The following ITGA8 variants were observed in gnomAD, a reference collection of about 807,000 sequenced individuals.
ITGA8 encodes integrin subunit alpha 8, also known as integrin alpha-8.
In ITGA8, 91 loss-of-function variants were observed where a neutral mutation model predicts 142.3. The observed-to-expected ratio is 0.64, with a 90% confidence interval of 0.54 to 0.76. ITGA8 has a LOEUF of 0.76. Among genes scored for constraint, ITGA8 ranks in the 30% least tolerant of loss-of-function variants. The pLI is 0.00. For missense variants in ITGA8, 1,406 were observed against 1,327.7 expected, an observed-to-expected ratio of 1.06 and a Z score of -0.92; for synonymous variants, 505 against 485.2, an observed-to-expected ratio of 1.04 and a Z score of -0.54.
At chr10:15,583,967 C>A (rs1005761084) in intron 23 of ITGA8, among the ~76,000 whole-genome samples, 2 of 152,114 alleles carry the variant, frequency 1.3e-5, no homozygotes, top group Non-Finnish European at 2.9e-5. Flanking sequence ...AATTTCTATA[C>A]ACTAATGAAA....
chr10:15,684,909 T>C (rs1315513207), intron 3 of ITGA8, among the ~76,000 whole-genome samples: 1 of 152,210 alleles, frequency 6.6e-6, no homozygotes, highest in Non-Finnish European at 1.5e-5. Flanking sequence ...AGTAAACCTC[T>C]GTTTTGTGAC....
At chr10:15,561,927 G>T (rs1833990245) in intron 25 of ITGA8, among the ~76,000 whole-genome samples, 1 of 152,182 alleles carries the variant, frequency 6.6e-6, no homozygotes, top group African/African-American at 2.4e-5. Context: ...TGAAGGGGGA[G>T]CAAGGTACCT....
At chr10:15,519,763 T>TA (rs1244299566) in intron 28 of ITGA8, among the ~76,000 whole-genome samples, 2 of 152,134 alleles carry the variant, frequency 1.3e-5, no homozygotes, top group Admixed American at 1.3e-4. Context: ...GTAGACTCAA[T>TA]AAAAAACTGA....
At chr10:15,564,825 CA>C (rs1357604606) in intron 25 of ITGA8, among the ~76,000 whole-genome samples, 1 of 152,342 alleles carries the variant, frequency 6.6e-6, no homozygotes, top group East Asian at 1.9e-4. Context: ...ACACAAGAAA[CA>C]ACAGACAACT....
intron 26 of ITGA8, among the ~76,000 whole-genome samples, chr10:15,556,219 G>A (rs181840360): frequency 6.6e-6 from 1 of 151,370 alleles, no homozygotes; most frequent in Non-Finnish European, 1.5e-5. Context: ...TAGTAGAGAT[G>A]GGTTTCACCA....
At chr10:15,696,882 A>T (rs1312688488) in intron 2 of ITGA8, among the ~76,000 whole-genome samples, 15 of 151,544 alleles carry the variant, frequency 9.9e-5, no homozygotes. Flanking sequence ...AAAAAAAAAA[A>T]ATTAGCCAGG....
At chr10:15,703,577 G>T (rs552642833) in intron 2 of ITGA8, among the ~76,000 whole-genome samples, 1 of 152,284 alleles carries the variant, frequency 6.6e-6, no homozygotes, top group Admixed American at 6.5e-5. Context: ...TGCCAGATCA[G>T]ATTAAAAACA....
At position 15,673,090 on chromosome 10, in the gene ITGA8, T is replaced by C. The variant is rs190091821; in HGVS notation, c.677-341A>G. Among the ~76,000 whole-genome samples the C allele has an allele frequency of 4.6e-3, 686 of 150,444 alleles. 5 individuals carry two copies. Among genetic ancestry groups the C allele is most frequent in the African/African-American group, 0.017 (665 of 39,780 alleles). On this transcript the variant is annotated intron_variant, in intron 6 of 29. Coordinates refer to ENST00000378076, the MANE Select transcript of ITGA8 (RefSeq NM_003638.3). The stretch of plus-strand genomic sequence containing the variant: ...TTTTGTTTGTTTGTTTGTTTGTTTG[T>C]TTTTGTTTTTTGGGACAGAGTCTCG...
chr10:15,547,578 GCAA>G (rs1036037341), intron 27 of ITGA8, among the ~76,000 whole-genome samples: 2 of 152,016 alleles, frequency 1.3e-5, no homozygotes, highest in Non-Finnish European at 2.9e-5. Context: ...TCTCAGAAAA[GCAA>G]CAACAACAAA....
intron 28 of ITGA8, among the ~76,000 whole-genome samples, chr10:15,520,313 T>C (rs1833034173): frequency 6.6e-6 from 1 of 152,156 alleles, no homozygotes; most frequent in African/African-American, 2.4e-5. Flanking sequence ...CTCAGGAGGC[T>C]GACACACGAA....
At chr10:15,715,313 G>A (rs1419040296) in intron 2 of ITGA8, among the ~76,000 whole-genome samples, 27 of 152,072 alleles carry the variant, frequency 1.8e-4, no homozygotes, top group Admixed American at 1.8e-3. Flanking sequence ...ATTTAAAATG[G>A]AATTGTAAAG....
intron 11 of ITGA8, among the ~76,000 whole-genome samples, chr10:15,650,456 T>C (rs1268218765): frequency 6.6e-6 from 1 of 152,140 alleles, no homozygotes; most frequent in Non-Finnish European, 1.5e-5. Flanking sequence ...TGTGGATTTA[T>C]AAGAAGAGGA....
At chr10:15,710,688 C>T (rs895934877) in intron 2 of ITGA8, among the ~76,000 whole-genome samples, 23 of 152,104 alleles carry the variant, frequency 1.5e-4, no homozygotes, top group Admixed American at 1.1e-3. Context: ...GTGTAACTAG[C>T]GAGGCAAGAG....
At chr10:15,700,203 C>T (rs1835135986) in intron 2 of ITGA8, among the ~76,000 whole-genome samples, 1 of 152,158 alleles carries the variant, frequency 6.6e-6, no homozygotes, top group African/African-American at 2.4e-5. Flanking sequence ...CACTTGCCCC[C>T]ACAGCACTTA....
At chr10:15,608,205 A>G (rs753750319) in intron 16 of ITGA8, 30 bp downstream of exon 16, 49 of 1,509,634 alleles carry the variant, frequency 3.2e-5, no homozygotes, top group Non-Finnish European at 4.2e-5. Flanking sequence ...TTAGTATACC[A>G]TAAGAATGTA....
At chr10:15,583,389 A>G (rs1005677022) in intron 23 of ITGA8, among the ~76,000 whole-genome samples, 7 of 152,174 alleles carry the variant, frequency 4.6e-5, no homozygotes, top group African/African-American at 1.7e-4. Flanking sequence ...GGGAAGGGAT[A>G]GCATTAGGAG....
chr10:15,579,570 C>T (rs1183180808), intron 23 of ITGA8, among the ~76,000 whole-genome samples: 1 of 151,496 alleles, frequency 6.6e-6, no homozygotes, highest in Non-Finnish European at 1.5e-5. Flanking sequence ...AAGAAGGAGA[C>T]AAAAGTTCAT....
chr10:15,716,757 C>G (rs935444280), intron 2 of ITGA8, among the ~76,000 whole-genome samples: 1 of 149,280 alleles, frequency 6.7e-6, no homozygotes, highest in African/African-American at 2.5e-5. Context: ...TGCAACCTCT[C>G]CCTCCTGGGT....
At chr10:15,705,744 C>A (rs1400497081) in intron 2 of ITGA8, among the ~76,000 whole-genome samples, 1 of 152,210 alleles carries the variant, frequency 6.6e-6, no homozygotes, top group Admixed American at 6.5e-5. Flanking sequence ...TCATCAATAA[C>A]CTTCAGCTGC....
Sources: allele counts gnomAD v4.1 joint callset (sites outside exome capture counted in the v4.1 genomes callset), GRCh38; gene constraint gnomAD v4.1.1; transcripts MANE v1.5; gene names NCBI Gene and HGNC (gene_info 2026-07-23, HGNC 2026-07-21).